APOO: variants seen among roughly 807,000 people sequenced by gnomAD.
APOO encodes the protein apolipoprotein O.
APOO carries 11 observed loss-of-function variants against 23.1 expected under a neutral mutation model. The observed-to-expected ratio is 0.48, with a 90% CI of 0.30 to 0.79. APOO has a LOEUF of 0.79. APOO is among the 30% of genes least tolerant of loss of function. The pLI, the probability that APOO is intolerant of heterozygous loss-of-function variation, is 0.07. For missense variants in APOO, 160 were observed against 142.7 expected (o/e 1.12, Z -0.62); for synonymous variants, 59 against 54.8 (o/e 1.08, Z -0.34).
chrX:23,867,667 C>T (rs1925406967), intron 5 of APOO, among the ~76,000 whole-genome samples: 1 of 111,286 alleles, frequency 9.0e-6, no homozygotes, highest in Non-Finnish European at 1.9e-5. Context: ...CTCAGCCTCC[C>T]GAGTAGCTGG....
intron 1 of APOO, among the ~76,000 whole-genome samples, chrX:23,892,767 CAAA>C (rs750595725): frequency 3.1e-5 from 2 of 64,300 alleles, no homozygotes; most frequent in African/African-American, 5.8e-5. Flanking sequence ...GACTCCGTCA[CAAA>C]AAAAAAAAAA....
At chrX:23,866,526 T>C (rs1435380655) in intron 5 of APOO, among the ~76,000 whole-genome samples, 3 of 111,388 alleles carry the variant, frequency 2.7e-5, no homozygotes, top group African/African-American at 9.8e-5. Flanking sequence ...CCCAGCACTT[T>C]GGGGGACACC....
intron 1 of APOO, among the ~76,000 whole-genome samples, chrX:23,889,014 T>C (rs1926506306): frequency 9.4e-6 from 1 of 106,832 alleles, no homozygotes; most frequent in African/African-American, 3.4e-5. Context: ...GTTTGGGGCA[T>C]GCCTATGGTC....
chrX:23,873,311 T>A (rs1288852513), intron 4 of APOO, among the ~76,000 whole-genome samples: 1 of 111,113 alleles, frequency 9.0e-6, no homozygotes, highest in African/African-American at 3.3e-5. Context: ...CCTTAATAAT[T>A]TAAAGAACCA....
At chrX:23,847,820 T>TACAC (rs763172090) in intron 7 of APOO, among the ~76,000 whole-genome samples, 2 of 102,304 alleles carry the variant, frequency 2.0e-5, no homozygotes, top group East Asian at 3.0e-4. Context: ...TATATATATA[T>TACAC]ACACACACAC....
chrX:23,865,825 A>G (rs1410479473), intron 5 of APOO, among the ~76,000 whole-genome samples: 5 of 111,250 alleles, frequency 4.5e-5, no homozygotes, highest in Non-Finnish European at 7.5e-5. Context: ...GCTATTGCAC[A>G]TGTGTGTGTG....
At chrX:23,868,711 A>G (rs769601360) in intron 4 of APOO, 23 bp from the exon 5 acceptor site, 1 of 1,144,231 alleles carries the variant, frequency 8.7e-7, no homozygotes, top group East Asian at 3.0e-5. Context: ...TAGACCAGGA[A>G]GCAGTTCCAT....
At chrX:23,905,783 G>A (rs1601950521) in intron 1 of APOO, among the ~76,000 whole-genome samples, 1 of 112,585 alleles carries the variant, frequency 8.9e-6, no homozygotes, top group Non-Finnish European at 1.9e-5. Context: ...TAAACAAAAA[G>A]ATCTAGCAGT....
At chrX:23,867,591 G>A (rs112321016) in intron 5 of APOO, among the ~76,000 whole-genome samples, 33 of 111,178 alleles carry the variant, frequency 3.0e-4, no homozygotes, top group African/African-American at 1.0e-3. Flanking sequence ...CGCCCAGGCT[G>A]AAGTGCAGTG....
chrX:23,875,582 A>G (rs1252085579), intron 3 of APOO, among the ~76,000 whole-genome samples: 3 of 106,367 alleles, frequency 2.8e-5, no homozygotes, highest in Non-Finnish European at 5.8e-5. Flanking sequence ...ACCACGCCCA[A>G]CTAATTTTTG....
intron 7 of APOO, among the ~76,000 whole-genome samples, chrX:23,846,258 C>T (rs1342756857): frequency 9.7e-6 from 1 of 102,977 alleles, no homozygotes; most frequent in African/African-American, 3.7e-5. Context: ...TTGTAATGAA[C>T]CAAGATGGCA....
chrX:23,860,471 GA>G (rs754918994), intron 5 of APOO, among the ~76,000 whole-genome samples: 691 of 109,724 alleles, frequency 6.3e-3, no homozygotes, highest in Non-Finnish European at 9.0e-3. Context: ...TTGAGGCCAG[GA>G]ATTGAGACCA....
At chrX:23,893,356 C>A (rs1044151771) in intron 1 of APOO, among the ~76,000 whole-genome samples, 1 of 108,651 alleles carries the variant, frequency 9.2e-6, no homozygotes, top group East Asian at 2.9e-4. Flanking sequence ...ACCTGGGAGG[C>A]GGAGCTTGCA....
chrX:23,880,907 A>G lies in APOO; in HGVS notation c.55T>C (p.Phe19Leu). ...TTTTTTGGTGCTGCATAGACTTTGA[A>G]GGTGAGCAAGCTCAGGCTGGCTGGC... is the stretch of plus-strand genomic sequence containing the variant. ...VGPASLSLLT[F>L]KVYAAPKKDS... Residue 19 changes from phenylalanine to leucine, a missense_variant, in exon 2 of 9, where the codon TTC (phenylalanine) becomes CTC (leucine). By Grantham distance (22) the Phe-to-Leu change is conservative. Transcript: ENST00000379226. 4 of 1,190,193 alleles carry G rather than the reference A, an allele frequency of 3.4e-6. No homozygotes were observed. The highest frequency in any genetic ancestry group is 4.5e-6 in the Non-Finnish European group (4 of 886,554).
chrX:23,839,102 C>T (rs1923853465), intron 8 of APOO, among the ~76,000 whole-genome samples: 1 of 112,017 alleles, frequency 8.9e-6, no homozygotes, highest in Non-Finnish European at 1.9e-5. Context: ...GCCCCATTCA[C>T]CAGAGATACT....
At chrX:23,842,303 C>T (rs755122363) in intron 7 of APOO, among the ~76,000 whole-genome samples, 1 of 111,300 alleles carries the variant, frequency 9.0e-6, no homozygotes, top group African/African-American at 3.3e-5. Context: ...GTGGGAGGAT[C>T]ACTTAAGCCA....
intron 8 of APOO, among the ~76,000 whole-genome samples, chrX:23,838,609 G>A (rs909691446): frequency 9.4e-6 from 1 of 106,842 alleles, no homozygotes; most frequent in Non-Finnish European, 1.9e-5. Context: ...TAGTAGAGAC[G>A]GGCTTTCACC....
chrX:23,876,474 G>C (rs5925629), intron 3 of APOO, among the ~76,000 whole-genome samples: 50,936 of 102,709 alleles, frequency 0.5, 12,274 homozygotes, highest in African/African-American at 0.89. Flanking sequence ...AATGATTGCC[G>C]ACTTCTTTTG....
chrX:23,901,828 G>C (rs6629762), intron 1 of APOO, among the ~76,000 whole-genome samples: 13,247 of 111,839 alleles, frequency 0.12, 886 homozygotes, highest in South Asian at 0.52. Context: ...TTACAAATGA[G>C]GAAGCAGCTA....
Sources: allele counts gnomAD v4.1 joint callset (sites outside exome capture counted in the v4.1 genomes callset), GRCh38; gene constraint gnomAD v4.1.1; transcripts MANE v1.5; gene names NCBI Gene and HGNC (gene_info 2026-07-23, HGNC 2026-07-21).